ZNF609: variants seen among roughly 807,000 people sequenced by gnomAD.
ZNF609 encodes zinc finger protein 609.
A neutral mutation model predicts 109.5 loss-of-function variants in ZNF609; 11 were observed. The ratio of observed to expected loss-of-function variants is 0.10; its 90% CI spans 0.06 to 0.17. ZNF609 has a LOEUF of 0.17. Among genes scored for constraint, ZNF609 ranks in the 10% least tolerant of loss-of-function variants. The pLI is 1.00. For missense variants in ZNF609, 1,559 were observed against 1,772.4 expected (o/e 0.88, Z 2.16); for synonymous variants, 646 against 662.0 (o/e 0.98, Z 0.37).
rs9745073 is a variant in ZNF609, at chr15:64,576,971, A to T, written c.748-45856A>T. ...ATACATATATGTATATATACACATAAATATATATATGTATGTATACACATA... is the reference window on the plus strand; with the variant it reads ...ATACATATATGTATATATACACATATATATATATATGTATGTATACACATA... On this transcript the variant is annotated intron_variant, in intron 2 of 9. Transcript: ENST00000326648. Among the ~76,000 whole-genome samples the T allele has an allele frequency of 7.4e-4, 98 of 131,550 alleles. 1 individual carries two copies. Among genetic ancestry groups the T allele is most frequent in the African/African-American group, 2.7e-3 (92 of 33,522 alleles). 86.3% of individuals were successfully genotyped at this position (131,550 alleles called of 152,430 possible). A position where few individuals can be genotyped will look rare whatever the true frequency, so the allele number is the denominator to read the frequency against.
intron 3 of ZNF609, among the ~76,000 whole-genome samples, chr15:64,662,639 A>C (rs1457405291): frequency 6.7e-6 from 1 of 149,912 alleles, no homozygotes; most frequent in African/African-American, 2.5e-5. Context: ...AGCATTTTTA[A>C]AACATTGAGA....
In ZNF609 at chr15:64,598,702, C is replaced by T. The variant is rs1241265818; in HGVS notation, c.748-24125C>T. ...TATTTTTTGGTTTGGCTATTAAAAA[C>T]AACATTGAAGAAAACTGTCCATCAT... On this transcript the variant is annotated intron_variant, in intron 2 of 9. Transcript: ENST00000326648. Among the ~76,000 whole-genome samples the T allele has an allele frequency of 2.4e-5, 3 of 125,936 alleles. No individual in the cohort carries two copies. The East Asian group carries it at 7.2e-4, about 30-fold the overall frequency. 82.6% of individuals were successfully genotyped at this position (125,936 alleles called of 152,430 possible). A position where few individuals can be genotyped will look rare whatever the true frequency, so the allele number is the denominator to read the frequency against.
At chr15:64,667,351 C>T (rs1896663844) in intron 3 of ZNF609, among the ~76,000 whole-genome samples, 1 of 152,096 alleles carries the variant, frequency 6.6e-6, no homozygotes, top group Non-Finnish European at 1.5e-5. Flanking sequence ...TAGTGGGTGG[C>T]CGTAGACAAA....
At chr15:64,667,435 G>T (rs61117068) in intron 3 of ZNF609, among the ~76,000 whole-genome samples, 14,899 of 152,218 alleles carry the variant, frequency 0.098, 953 homozygotes, top group African/African-American at 0.18. Flanking sequence ...GGAGCTGGGT[G>T]TGGTGGCTAA....
intron 3 of ZNF609, among the ~76,000 whole-genome samples, chr15:64,641,032 A>G (rs1291563636): frequency 1.3e-5 from 2 of 152,058 alleles, no homozygotes; most frequent in Non-Finnish European, 2.9e-5. Context: ...TCTATCCTGT[A>G]CTAGTCCTTT....
At chr15:64,677,972 C>G in intron 5 of ZNF609, 144 bp from the exon 6 acceptor site, 1 of 1,105,890 alleles carries the variant, frequency 9.0e-7, no homozygotes, top group Non-Finnish European at 1.3e-6. Context: ...GGATTATAAA[C>G]AAGATCAGTA....
chr15:64,475,877 T>G (rs1042275460), intron 1 of ZNF609, among the ~76,000 whole-genome samples: 21 of 152,212 alleles, frequency 1.4e-4, no homozygotes, highest in African/African-American at 4.6e-4. Flanking sequence ...AAAGAAATTG[T>G]GATTTTTTTA....
chr15:64,568,158 C>T (rs1894807162), intron 2 of ZNF609, among the ~76,000 whole-genome samples: 1 of 152,138 alleles, frequency 6.6e-6, no homozygotes, highest in African/African-American at 2.4e-5. Context: ...CTCCCAAATA[C>T]TTTATCATGA....
intron 2 of ZNF609, among the ~76,000 whole-genome samples, chr15:64,600,470 A>G (rs1487810171): frequency 1.3e-5 from 2 of 148,794 alleles, no homozygotes; most frequent in African/African-American, 2.5e-5. Context: ...AAAAAAAGAA[A>G]AAAAAAAACA....
intron 2 of ZNF609, among the ~76,000 whole-genome samples, chr15:64,616,564 G>A (rs999301450): frequency 3.5e-4 from 50 of 140,914 alleles, no homozygotes; most frequent in African/African-American, 1.3e-3. Context: ...CTGTCGCCCA[G>A]GCTGGAGTGC....
chr15:64,564,308 G>GA (rs1159300189), intron 2 of ZNF609, among the ~76,000 whole-genome samples: 1 of 152,062 alleles, frequency 6.6e-6, no homozygotes, highest in Non-Finnish European at 1.5e-5. Flanking sequence ...GGGTAGGGGG[G>GA]ACTACTGTAA....
chr15:64,539,928 C>A (rs756858646), intron 2 of ZNF609, among the ~76,000 whole-genome samples: 1 of 152,062 alleles, frequency 6.6e-6, no homozygotes, highest in Non-Finnish European at 1.5e-5. Context: ...TGAGCCACTG[C>A]GCCCAGCCTT....
chr15:64,509,300 A>G (rs1893683186), intron 2 of ZNF609, among the ~76,000 whole-genome samples: 1 of 152,212 alleles, frequency 6.6e-6, no homozygotes, highest in Non-Finnish European at 1.5e-5. Flanking sequence ...TCTCATCTGA[A>G]TGGAGGAAGT....
intron 3 of ZNF609, 130 bp from the exon 4 acceptor site, chr15:64,670,215 TA>T (rs943448261): frequency 1.4e-6 from 1 of 709,334 alleles, no homozygotes; most frequent in African/African-American, 1.8e-5. Context: ...GGCCCAATCC[TA>T]TTTGTCCCAT....
intron 2 of ZNF609, among the ~76,000 whole-genome samples, chr15:64,519,040 A>C (rs1001257296): frequency 2.0e-5 from 3 of 149,624 alleles, no homozygotes; most frequent in African/African-American, 7.4e-5. Flanking sequence ...ATTTTACACT[A>C]TTAAAATTAT....
intron 2 of ZNF609, chr15:64,592,906 C>CAAAAATTACATAAATTACATAA (rs1191635220): frequency 1.4e-6 from 1 of 740,330 alleles, no homozygotes; most frequent in Non-Finnish European, 2.3e-6. Flanking sequence ...GAGCAAGACT[C>CAAAAATTACATAAATTACATAA]TTGTCTCAAA....
Position 64,670,408 on chromosome 15 carries a change from A to G in ZNF609, c.1036A>G (p.Thr346Ala), listed in dbSNP as rs1896708702. ...KTYVGTLLDC[T>A]RHDWAPPRFC... ...ATATGTAGGTACACTCCTTGACTGC[A>G]CACGACATGATTGGGCACCCCCAAG... The change falls in exon 4 of 10, where the codon ACA becomes GCA. Residue 346 changes from threonine (T) to alanine (A), a missense_variant. Thr to Ala is a moderately conservative substitution (Grantham distance 58). This residue lies in a region of ZNF609 where 38 missense variants were observed against 82.1 expected (regional missense o/e 0.46). Transcript: ENST00000326648. 1 of 1,614,196 alleles carries G rather than the reference A, an allele frequency of 6.2e-7. No homozygotes were observed. The highest frequency in any genetic ancestry group is 8.5e-7 in the Non-Finnish European group (1 of 1,180,002).
chr15:64,477,077 C>T (rs542254357), intron 1 of ZNF609, among the ~76,000 whole-genome samples: 1 of 149,654 alleles, frequency 6.7e-6, no homozygotes, highest in South Asian at 2.1e-4. Flanking sequence ...TAGATGCTCT[C>T]TTGTTTGAAT....
intron 2 of ZNF609, among the ~76,000 whole-genome samples, chr15:64,541,042 A>C (rs1567009388): frequency 2.0e-5 from 3 of 150,202 alleles, no homozygotes; most frequent in Admixed American, 6.6e-5. Context: ...AAAAAAAAAA[A>C]AAAAACTTTT....
Sources: gnomAD v4.1 joint callset for allele counts (sites outside exome capture counted in the v4.1 genomes callset) on GRCh38, gnomAD v4.1.1 for gene constraint, gnomAD v4.1.1 regional missense constraint, MANE v1.5 for transcripts, NCBI Gene and HGNC (gene_info 2026-07-23, HGNC 2026-07-21) for gene names.